The following TBC1D9 variants were observed in gnomAD, a reference collection of about 807,000 sequenced individuals.
The protein encoded by TBC1D9 is TBC1 domain family member 9A.
TBC1D9 carries 63 observed loss-of-function variants against 132.0 expected under a neutral mutation model. That is an observed-to-expected ratio of 0.48 (90% CI 0.39 to 0.59). The LOEUF (loss-of-function observed/expected upper bound fraction) is 0.59, where lower values mean the gene tolerates loss of function less well. Ranked by LOEUF, TBC1D9 falls within the 20% of genes least tolerant of loss-of-function variation. The pLI is 0.00. For missense variants in TBC1D9, 1,261 were observed against 1,592.7 expected (o/e 0.79, Z 3.54); for synonymous variants, 610 against 609.9 (o/e 1.00, Z 0.00).
chr4:140,747,849 C>T (rs1403900648), intron 1 of TBC1D9, among the ~76,000 whole-genome samples: 16 of 152,146 alleles, frequency 1.1e-4, no homozygotes, highest in Admixed American at 9.8e-4. Flanking sequence ...AACTGTAAAT[C>T]CTAAGTAGGC....
chr4:140,623,987 T>A, intron 20 of TBC1D9, 129 bp downstream of exon 20: 1 of 714,698 alleles, frequency 1.4e-6, no homozygotes. Context: ...TAGGTCCAAA[T>A]GGATACTAAG....
intron 3 of TBC1D9, among the ~76,000 whole-genome samples, chr4:140,680,440 G>A (rs576081765): frequency 3.0e-4 from 45 of 152,308 alleles, no homozygotes; most frequent in African/African-American, 7.9e-4. Context: ...TGCATAGCAA[G>A]TGACCAGGTT....
chr4:140,742,510 C>CA (rs1269606695), intron 1 of TBC1D9, among the ~76,000 whole-genome samples: 1 of 106,812 alleles, frequency 9.4e-6, no homozygotes, highest in Non-Finnish European at 1.7e-5. Context: ...CCAGCCTGGG[C>CA]AACAGAGTGA....
In TBC1D9 at chr4:140,679,042, T is replaced by C. The variant is rs1385540423; in HGVS notation, c.751A>G (p.Ile251Val). The C allele has an allele frequency of 4.8e-5, 77 of 1,613,976 alleles. No individual in the cohort carries two copies. Among genetic ancestry groups the C allele is most frequent in the Non-Finnish European group, 6.5e-5 (77 of 1,179,862 alleles). Residue 251 changes from isoleucine to valine, a missense_variant, in exon 5 of 21, where the codon ATA (isoleucine) becomes GTA (valine). Ile to Val is a conservative substitution (Grantham distance 29, BLOSUM62 3). This residue lies in a region of TBC1D9 where 550 missense variants were observed against 699.0 expected (regional missense o/e 0.79). Transcript: ENST00000442267. ...TTGTCTAAGAGTTGCCTCATGGCTA[T>C]GTTGGCAAGCTGCTCCATTAACTTG... ...TFKLMEQLAN[I>V]AMRQLLDNEG...
At chr4:140,715,568 G>A (rs945966243) in intron 1 of TBC1D9, among the ~76,000 whole-genome samples, 2 of 152,182 alleles carry the variant, frequency 1.3e-5, no homozygotes, top group African/African-American at 4.8e-5. Context: ...CCACACTATA[G>A]CAAGTTATAT....
chr4:140,736,637 C>T (rs574174227), intron 1 of TBC1D9, among the ~76,000 whole-genome samples: 8 of 152,194 alleles, frequency 5.3e-5, no homozygotes, highest in Non-Finnish European at 8.8e-5. Flanking sequence ...ATTTGAGAAA[C>T]TAGAGGTGAC....
intron 1 of TBC1D9, among the ~76,000 whole-genome samples, chr4:140,752,175 A>G (rs1053172062): frequency 1.3e-5 from 2 of 152,208 alleles, no homozygotes; most frequent in Non-Finnish European, 2.9e-5. Context: ...ATGGGCCACC[A>G]ACAATACAGT....
At chr4:140,648,709 C>T (rs1195565453) in intron 13 of TBC1D9, among the ~76,000 whole-genome samples, 2 of 152,126 alleles carry the variant, frequency 1.3e-5, no homozygotes, top group Admixed American at 6.5e-5. Flanking sequence ...TCAAAGCAGA[C>T]GGTACTTCTT....
chr4:140,731,239 G>T (rs1271658191), intron 1 of TBC1D9, among the ~76,000 whole-genome samples: 2 of 152,174 alleles, frequency 1.3e-5, no homozygotes, highest in Admixed American at 1.3e-4. Context: ...CTACTTATTG[G>T]CTGTTGTGTT....
chr4:140,691,834 A>G (rs1737882567), intron 2 of TBC1D9, among the ~76,000 whole-genome samples: 2 of 152,214 alleles, frequency 1.3e-5, no homozygotes, highest in South Asian at 4.1e-4. Context: ...AAAAATACGA[A>G]ATCATCCTAG....
chr4:140,694,579 A>C (rs1359142616), intron 2 of TBC1D9, among the ~76,000 whole-genome samples: 1 of 151,128 alleles, frequency 6.6e-6, no homozygotes, highest in Non-Finnish European at 1.5e-5. Context: ...TCAAAAAAAA[A>C]AAAAAAAGAA....
intron 13 of TBC1D9, among the ~76,000 whole-genome samples, chr4:140,654,729 T>C (rs1737239213): frequency 6.6e-6 from 1 of 152,212 alleles, no homozygotes; most frequent in African/African-American, 2.4e-5. Context: ...ATTCATTCTT[T>C]ATCTCCAATA....
chr4:140,656,843 T>C (rs527843689), intron 13 of TBC1D9, among the ~76,000 whole-genome samples: 6 of 152,306 alleles, frequency 3.9e-5, no homozygotes, highest in Non-Finnish European at 1.5e-5. Flanking sequence ...ATGGGTTCTC[T>C]CTCTTCTGCC....
intron 9 of TBC1D9, among the ~76,000 whole-genome samples, chr4:140,666,607 G>A (rs1236545610): frequency 1.3e-5 from 2 of 151,972 alleles, no homozygotes; most frequent in Non-Finnish European, 2.9e-5. Flanking sequence ...CAAAGTGCTG[G>A]GATTACAGGC....
chr4:140,705,722 C>T (rs1300081017), intron 1 of TBC1D9, among the ~76,000 whole-genome samples: 3 of 152,122 alleles, frequency 2.0e-5, no homozygotes, highest in Non-Finnish European at 2.9e-5. Context: ...GCAACAATTA[C>T]GATTTTCTTA....
In TBC1D9 at chr4:140,679,727, T is replaced by C; in HGVS notation, c.477A>G (p.Lys159=). 6.2e-7 allele frequency: 1 copy of C among 1,613,796 alleles called. No homozygotes were observed. The highest frequency in any genetic ancestry group is 8.5e-7 in the Non-Finnish European group (1 of 1,179,816). ...AGCTGCAAGAGTAATAGTTGACGAG[T>C]TTCTCTTCCTCTGGCATCCCAAACA... is the stretch of plus-strand genomic sequence containing the variant. The part of the protein sequence containing the change: ...HRLFGMPEEE[K]LVNYYSCSYW... Residue 159 remains lysine, a synonymous_variant, in exon 4 of 21, where the codon AAA becomes AAG. Transcript: ENST00000442267.
chr4:140,713,506 G>A (rs1044205491), intron 1 of TBC1D9, among the ~76,000 whole-genome samples: 9 of 152,120 alleles, frequency 5.9e-5, no homozygotes, highest in Non-Finnish European at 1.2e-4. Context: ...GGAGGCCAAG[G>A]TGGGAAGACC....
chr4:140,713,150 C>G (rs62346950), intron 1 of TBC1D9, among the ~76,000 whole-genome samples: 44,999 of 151,982 alleles, frequency 0.3, 7,874 homozygotes, highest in South Asian at 0.41. Context: ...GTTGCCCAGG[C>G]TGGTCTACAA....
intron 1 of TBC1D9, among the ~76,000 whole-genome samples, chr4:140,746,500 G>C (rs116608470): frequency 0.04 from 6,088 of 152,156 alleles, 153 homozygotes; most frequent in Non-Finnish European, 0.062. Context: ...TAATCTATTA[G>C]TCCATTTTCA....
Sources: gnomAD v4.1 joint callset for allele counts (sites outside exome capture counted in the v4.1 genomes callset) on GRCh38, gnomAD v4.1.1 for gene constraint, gnomAD v4.1.1 regional missense constraint, MANE v1.5 for transcripts, NCBI Gene and HGNC (gene_info 2026-07-23, HGNC 2026-07-21) for gene names.